BMP5: variants seen among roughly 807,000 people sequenced by gnomAD.
BMP5 encodes bone morphogenetic protein 5.
Under a neutral mutation model 46.6 loss-of-function variants are expected in BMP5, and 23 were observed. The ratio of observed to expected loss-of-function variants is 0.49; its 90% confidence interval spans 0.35 to 0.70. The LOEUF (loss-of-function observed/expected upper bound fraction) is 0.70, where lower values mean the gene tolerates loss of function less well. BMP5 is among the 30% of genes least tolerant of loss of function. The pLI, the probability that BMP5 is intolerant of heterozygous loss-of-function variation, is 0.00. For synonymous variants in BMP5, 204 were observed against 191.9 expected (o/e 1.06, Z -0.52); for missense variants, 545 against 565.6 (o/e 0.96, Z 0.37).
chr6:55,856,336 C>G (rs1777396562), intron 1 of BMP5, among the ~76,000 whole-genome samples: 1 of 152,164 alleles, frequency 6.6e-6, no homozygotes, highest in Non-Finnish European at 1.5e-5. Context: ...TCACTATAAA[C>G]ATTCATGTAC....
chr6:55,839,736 A>T (rs1460231044), intron 1 of BMP5, among the ~76,000 whole-genome samples: 1 of 152,136 alleles, frequency 6.6e-6, no homozygotes, highest in African/African-American at 2.4e-5. Context: ...TCCTTTTTAA[A>T]TTTTGCTATT....
chr6:55,823,351 T>C (rs1329252971), intron 1 of BMP5, among the ~76,000 whole-genome samples: 1 of 152,080 alleles, frequency 6.6e-6, no homozygotes, highest in Non-Finnish European at 1.5e-5. Flanking sequence ...AGAAATCTTT[T>C]AATAAATATT....
At chr6:55,777,796 G>C (rs1775212392) in intron 3 of BMP5, among the ~76,000 whole-genome samples, 1 of 151,954 alleles carries the variant, frequency 6.6e-6, no homozygotes, top group East Asian at 1.9e-4. Flanking sequence ...TTAACTCCTA[G>C]AAAGAAAGGG....
chr6:55,874,694 TAGAG>T lies in BMP5; in HGVS notation c.168_171del (p.Ile58TrpfsTer30), dbSNP rs1251157099. 8.7e-6 allele frequency: 14 copies of T among 1,613,646 alleles called. No individual in the cohort carries two copies. Among genetic ancestry groups the T allele is most frequent in the Non-Finnish European group, 1.2e-5 (14 of 1,179,728 alleles). On this transcript the variant is annotated frameshift_variant, in exon 1 of 7. Coordinates refer to ENST00000370830, the MANE Select transcript of BMP5 (RefSeq NM_021073.4). LOFTEE classifies it high-confidence loss of function. Reference sequence around the variant, plus strand: ...CTGGGTCTGTGAGGCAAACCCAAGATAGAGAGAATTTCCCTTTGTATTTCCCGTC... The same window carrying T: ...CTGGGTCTGTGAGGCAAACCCAAGATAGAATTTCCCTTTGTATTTCCCGTC...
At position 55,774,093 on chromosome 6, in the gene BMP5, T is replaced by G; in HGVS notation, c.983A>C (p.Lys328Thr). ...ANKRKNQNRN[K>T]SSSHQDSSRM... ...GGAGGAGTCCTGATGAGAGCTGGAT[T>G]TATTGCGGTTTTGATTTTTTCGTTT... Residue 328 changes from lysine (K) to threonine (T), a missense_variant, in exon 4 of 7, where the codon AAA (lysine) becomes ACA (threonine). Physicochemically the swap from Lys to Thr is moderately conservative, Grantham distance 78. Coordinates refer to ENST00000370830, the MANE Select transcript of BMP5 (RefSeq NM_021073.4). 4 of 1,612,938 alleles carry G rather than the reference T, an allele frequency of 2.5e-6. No individual in the cohort carries two copies. The highest frequency in any genetic ancestry group is 3.4e-6 in the Non-Finnish European group (4 of 1,179,358).
At chr6:55,809,971 T>C (rs1233408756) in intron 2 of BMP5, among the ~76,000 whole-genome samples, 1 of 152,170 alleles carries the variant, frequency 6.6e-6, no homozygotes, top group African/African-American at 2.4e-5. Context: ...AATAAAAATA[T>C]AATGATGGCC....
At chr6:55,765,088 T>C (rs1184878491) in intron 4 of BMP5, among the ~76,000 whole-genome samples, 3 of 152,130 alleles carry the variant, frequency 2.0e-5, no homozygotes, top group Non-Finnish European at 4.4e-5. Context: ...ATAATTATTA[T>C]GTATCAATAA....
chr6:55,818,971 C>CAGATAGAT (rs1554183657), intron 2 of BMP5, among the ~76,000 whole-genome samples: 31 of 150,672 alleles, frequency 2.1e-4, no homozygotes, highest in African/African-American at 6.9e-4. Context: ...GACAGACAGA[C>CAGATAGAT]AGATAGATAG....
At chr6:55,871,031 G>T (rs970300730) in intron 1 of BMP5, among the ~76,000 whole-genome samples, 3 of 151,708 alleles carry the variant, frequency 2.0e-5, no homozygotes, top group Non-Finnish European at 2.9e-5. Context: ...TGTCATTATG[G>T]TGATAATGTC....
intron 3 of BMP5, among the ~76,000 whole-genome samples, chr6:55,785,401 C>T (rs1006881732): frequency 2.6e-4 from 39 of 151,882 alleles, no homozygotes; most frequent in African/African-American, 9.4e-4. Context: ...TGTTCAGTTA[C>T]TCCTGCCATG....
At chr6:55,829,888 T>C (rs980141266) in intron 1 of BMP5, among the ~76,000 whole-genome samples, 5 of 152,112 alleles carry the variant, frequency 3.3e-5, no homozygotes, top group African/African-American at 9.6e-5. Context: ...ACTGTGTATA[T>C]GTAATATAAC....
At chr6:55,840,834 C>G (rs1776929556) in intron 1 of BMP5, among the ~76,000 whole-genome samples, 1 of 152,170 alleles carries the variant, frequency 6.6e-6, no homozygotes, top group African/African-American at 2.4e-5. Flanking sequence ...GATGATGTAA[C>G]TAGCTGTACA....
At chr6:55,760,585 T>C (rs1774748191) in intron 4 of BMP5, 52 bp from the exon 5 acceptor site, 5 of 1,490,234 alleles carry the variant, frequency 3.4e-6, no homozygotes, top group Non-Finnish European at 4.7e-6. Context: ...GATATACTAA[T>C]ACTTCTTTTG....
intron 1 of BMP5, among the ~76,000 whole-genome samples, chr6:55,870,174 G>T (rs562219824): frequency 2.8e-5 from 4 of 144,958 alleles, no homozygotes; most frequent in African/African-American, 1.0e-4. Flanking sequence ...TTTAAAATTT[G>T]ATATTTGTGA....
chr6:55,826,393 T>C (rs1277385345), intron 1 of BMP5, among the ~76,000 whole-genome samples: 1 of 151,842 alleles, frequency 6.6e-6, no homozygotes, highest in Non-Finnish European at 1.5e-5. Context: ...TGTAATATTC[T>C]ACTATAACTA....
intron 2 of BMP5, among the ~76,000 whole-genome samples, chr6:55,813,528 A>G (rs374138974): frequency 1.7e-4 from 25 of 150,194 alleles, no homozygotes; most frequent in South Asian, 1.1e-3. Context: ...GGTGGCTCAC[A>G]CCTGTAATCC....
intron 1 of BMP5, among the ~76,000 whole-genome samples, chr6:55,826,850 G>T (rs572096827): frequency 2.0e-5 from 3 of 151,680 alleles, no homozygotes; most frequent in Non-Finnish European, 4.4e-5. Flanking sequence ...CTTTCTCACT[G>T]TCACAGAGTT....
intron 2 of BMP5, among the ~76,000 whole-genome samples, chr6:55,806,502 T>C (rs561565269): frequency 1.3e-5 from 2 of 152,326 alleles, no homozygotes; most frequent in South Asian, 2.1e-4. Context: ...TTAGGTAGCA[T>C]GATGCCTCCA....
intron 1 of BMP5, among the ~76,000 whole-genome samples, chr6:55,830,074 CTT>C (rs1268727041): frequency 2.6e-5 from 4 of 151,956 alleles, no homozygotes; most frequent in Non-Finnish European, 1.5e-5. Flanking sequence ...CTTTACCAGT[CTT>C]TACATTTACA....
Sources: gnomAD v4.1 joint callset for allele counts (sites outside exome capture counted in the v4.1 genomes callset) on GRCh38, gnomAD v4.1.1 for gene constraint, MANE v1.5 for transcripts, NCBI Gene and HGNC (gene_info 2026-07-23, HGNC 2026-07-21) for gene names.